MGAM2: variants seen among roughly 807,000 people sequenced by gnomAD.
MGAM2 encodes the protein maltase-glucoamylase 2 (putative).
MGAM2 carries 98 observed loss-of-function variants against 96.1 expected under a neutral mutation model. The observed-to-expected ratio is 1.02, with a 90% CI of 0.87 to 1.21. MGAM2 has a LOEUF of 1.21. Among genes scored for constraint, MGAM2 ranks in the 50% most tolerant of loss-of-function variants. The pLI is 0.00. For missense variants in MGAM2, 2,055 were observed against 1,182.4 expected (o/e 1.74, Z -10.82); for synonymous variants, 749 against 414.8 (o/e 1.81, Z -9.79).
chr7:142,172,087 G>T lies in MGAM2; in HGVS notation c.3352-11G>T, dbSNP rs753589366. 1.3e-5 allele frequency: 9 copies of T among 709,394 alleles called. No individual in the cohort carries two copies. Among genetic ancestry groups the T allele is most frequent in the Non-Finnish European group, 2.3e-5 (9 of 388,178 alleles). 43.9% of individuals were successfully genotyped at this position (709,394 alleles called of 1,614,324 possible). On this transcript the variant is annotated splice_polypyrimidine_tract_variant and intron_variant, in intron 28 of 47. Transcript: ENST00000477922. ...CATTTTCTTTTTGTTTATTACCCTC[G>T]TGACTCCCAGTACAAGAAGAATTCC...
chr7:142,141,777 G>A (rs191033305), intron 12 of MGAM2, among the ~76,000 whole-genome samples: 14 of 152,272 alleles, frequency 9.2e-5, no homozygotes, highest in South Asian at 2.1e-4. Context: ...TGGGATTACA[G>A]GTGTGAGCCA....
At chr7:142,156,752 G>A (rs776051148) in intron 17 of MGAM2, among the ~76,000 whole-genome samples, 9 of 152,110 alleles carry the variant, frequency 5.9e-5, no homozygotes, top group Non-Finnish European at 1.0e-4. Flanking sequence ...GGAGAAATGG[G>A]CCTCTTAGGG....
Position 142,161,939 on chromosome 7 carries a change from C to T in MGAM2, c.2435-16C>T, listed in dbSNP as rs1347079424. The T allele has an allele frequency of 2.9e-6, 2 of 690,208 alleles. No homozygotes were observed. The highest frequency in any genetic ancestry group is 5.3e-6 in the Non-Finnish European group (2 of 380,272). 42.8% of individuals were successfully genotyped at this position (690,208 alleles called of 1,614,324 possible). On this transcript the variant is annotated splice_polypyrimidine_tract_variant and intron_variant, in intron 22 of 47. Transcript: ENST00000477922. ...TTGGCTTCCCATAGTAACCGGTACT[C>T]CTCTTTCTTTTTTAGATGCTGTGAC...
chr7:142,189,331 ATGT>A (rs916952092), intron 36 of MGAM2, 33 bp from the exon 37 acceptor site: 2 of 642,180 alleles, frequency 3.1e-6, no homozygotes, highest in Admixed American at 5.0e-5. Flanking sequence ...TGTGCAAATC[ATGT>A]TGTTTAGGAA....
intron 15 of MGAM2, among the ~76,000 whole-genome samples, chr7:142,153,053 TG>T (rs1795630064): frequency 2.0e-5 from 3 of 149,646 alleles, no homozygotes; most frequent in Non-Finnish European, 4.4e-5. Flanking sequence ...TGGAGTGCAG[TG>T]GCACGATCTT....
chr7:142,115,893 A>ATT (rs1817379799), intron 1 of MGAM2, among the ~76,000 whole-genome samples: 2 of 152,236 alleles, frequency 1.3e-5, no homozygotes, highest in East Asian at 3.8e-4. Context: ...ACAATGAGAC[A>ATT]GTAAAAGGAC....
In MGAM2 at chr7:142,195,851, A is replaced by G. The variant is rs546419303; in HGVS notation, c.4347-303A>G. On this transcript the variant is annotated intron_variant, in intron 37 of 47. Coordinates refer to ENST00000477922, the MANE Select transcript of MGAM2 (RefSeq NM_001293626.2). ...AGTGACCGGTATAATACTGGAATAGAGGAATTGTTCCATAAATAGCTATAT... is the reference window on the plus strand; with the variant it reads ...AGTGACCGGTATAATACTGGAATAGGGGAATTGTTCCATAAATAGCTATAT... 4.3e-4 allele frequency among the ~76,000 whole-genome samples: 65 copies of G among 152,270 alleles called. No individual in the cohort carries two copies. The South Asian group carries it at 0.013, about 30-fold the overall frequency.
intron 33 of MGAM2, among the ~76,000 whole-genome samples, chr7:142,183,949 C>CTTTTTTTT (rs1563281526): frequency 1.2e-5 from 1 of 83,196 alleles, no homozygotes; most frequent in African/African-American, 3.7e-5. Flanking sequence ...ATTCCAGGCT[C>CTTTTTTTT]CTTTTTTTTT....
chr7:142,127,128 C>T (rs760023518), intron 3 of MGAM2, among the ~76,000 whole-genome samples: 5 of 152,156 alleles, frequency 3.3e-5, no homozygotes, highest in South Asian at 4.1e-4. Context: ...TAGTTACTTG[C>T]TTCTTTATAA....
intron 3 of MGAM2, among the ~76,000 whole-genome samples, chr7:142,120,679 A>G (rs1029756160): frequency 5.9e-5 from 9 of 152,198 alleles, no homozygotes; most frequent in African/African-American, 1.9e-4. Context: ...GGATAGTGGT[A>G]GAAAGGTTAA....
chr7:142,141,248 C>T (rs1442969998), intron 12 of MGAM2, 129 bp downstream of exon 12: 2 of 568,942 alleles, frequency 3.5e-6, no homozygotes, highest in Non-Finnish European at 6.1e-6. Flanking sequence ...TCTTTTATTA[C>T]TATTTTAAAC....
At chr7:142,144,136 G>T (rs887876165) in intron 13 of MGAM2, among the ~76,000 whole-genome samples, 1 of 151,974 alleles carries the variant, frequency 6.6e-6, no homozygotes, top group African/African-American at 2.4e-5. Flanking sequence ...TCCATTAACT[G>T]GTTGTCAGCT....
At chr7:142,171,185 T>C (rs1276038494) in intron 27 of MGAM2, 87 bp from the exon 28 acceptor site, 1 of 698,394 alleles carries the variant, frequency 1.4e-6, no homozygotes, top group Admixed American at 2.0e-5. Context: ...TTAAGGAGGC[T>C]TTGGAATCAA....
chr7:142,143,108 A>G (rs1795281594), intron 12 of MGAM2, among the ~76,000 whole-genome samples: 1 of 152,222 alleles, frequency 6.6e-6, no homozygotes. Context: ...CGGAGTGTAA[A>G]GTTGTTCCTA....
chr7:142,141,112 T>C lies in MGAM2; in HGVS notation c.1310T>C (p.Val437Ala), dbSNP rs1315602997. ...ATCTTGGGGAGCAATGGCTTTGCTG[T>C]TGGGGAGGTAATTTCTTAAGAAAAT... ...VWILGSNGFAVGEGYPGPTVF... is the reference protein window; with the variant it reads ...VWILGSNGFAAGEGYPGPTVF... Residue 437 changes from valine to alanine, a missense_variant, in exon 12 of 48, where the codon GTT becomes GCT. Val to Ala is a moderately conservative substitution (Grantham distance 64). Transcript: ENST00000477922. The C allele has an allele frequency of 4.5e-6, 3 of 661,092 alleles. No homozygotes were observed. Among genetic ancestry groups the C allele is most frequent in the Non-Finnish European group, 8.2e-6 (3 of 365,256 alleles). The allele number at this position is 661,092 out of a possible 1,614,324, so 41.0% of individuals were successfully genotyped here. A position where few individuals can be genotyped will look rare whatever the true frequency, so the allele number is the denominator to read the frequency against.
chr7:142,124,303 G>C (rs976363590), intron 3 of MGAM2, among the ~76,000 whole-genome samples: 1 of 151,686 alleles, frequency 6.6e-6, no homozygotes, highest in African/African-American at 2.4e-5. Flanking sequence ...ATTTTTAATC[G>C]ATCCATCACC....
chr7:142,157,042 G>A (rs1300988651), intron 17 of MGAM2, among the ~76,000 whole-genome samples: 1 of 152,120 alleles, frequency 6.6e-6, no homozygotes, highest in Non-Finnish European at 1.5e-5. Context: ...AGAACAAATA[G>A]AGGTCACTAA....
chr7:142,138,613 C>A lies in MGAM2; in HGVS notation c.1032C>A (p.Gly344=), dbSNP rs1199151574. ...GFQLSRRDYG[G]INKLKEVVSR... Reference sequence around the variant, plus strand: ...AGCTTAGTCGCAGGGACTATGGTGGCATCAATAAATTGAAAGAAGTTGTAA... The same window carrying A: ...AGCTTAGTCGCAGGGACTATGGTGGAATCAATAAATTGAAAGAAGTTGTAA... Residue 344 remains glycine (G), a synonymous_variant, in exon 10 of 48, where the codon GGC becomes GGA. Coordinates refer to ENST00000477922, the MANE Select transcript of MGAM2 (RefSeq NM_001293626.2). 1.4e-6 allele frequency: 1 copy of A among 702,898 alleles called. No homozygotes were observed. The highest frequency in any genetic ancestry group is 2.6e-6 in the Non-Finnish European group (1 of 384,968). 43.5% of individuals were successfully genotyped at this position (702,898 alleles called of 1,614,324 possible). A position where few individuals can be genotyped will look rare whatever the true frequency, so the allele number is the denominator to read the frequency against.
intron 2 of MGAM2, 46 bp from the exon 3 acceptor site, chr7:142,120,255 GT>G: frequency 1.4e-6 from 1 of 699,660 alleles, no homozygotes; most frequent in Non-Finnish European, 2.6e-6. Context: ...TCCTGGAGCT[GT>G]GATTACACTA....
Sources: allele counts gnomAD v4.1 joint callset (sites outside exome capture counted in the v4.1 genomes callset), GRCh38; gene constraint gnomAD v4.1.1; transcripts MANE v1.5; gene names NCBI Gene and HGNC (gene_info 2026-07-23, HGNC 2026-07-21).